PNPLA6: variants seen among roughly 807,000 people sequenced by gnomAD.
The protein encoded by PNPLA6 is patatin-like phospholipase domain-containing protein 6.
A neutral mutation model predicts 153.7 loss-of-function variants in PNPLA6; 105 were observed. That is an observed-to-expected ratio of 0.68 (90% CI 0.58 to 0.80). The LOEUF is 0.80. Among genes scored for constraint, PNPLA6 ranks in the 30% least tolerant of loss-of-function variants. The pLI is 0.00. For synonymous variants in PNPLA6, 825 were observed against 822.2 expected (o/e 1.00, Z -0.06); for missense variants, 1,423 against 1,919.3 (o/e 0.74, Z 4.83).
At chr19:7,536,056 T>C in intron 1 of PNPLA6, 36 bp downstream of exon 1, 1 of 1,579,648 alleles carries the variant, frequency 6.3e-7, no homozygotes, top group Non-Finnish European at 8.6e-7. Flanking sequence ...GGAGGCTGTA[T>C]GGTGGGGGGC....
Position 7,554,728 on chromosome 19 carries a change from G to A in PNPLA6, c.2634+5G>A. The A allele has an allele frequency of 6.2e-7, 1 of 1,611,566 alleles. No individual in the cohort carries two copies. Among genetic ancestry groups the A allele is most frequent in the Non-Finnish European group, 8.5e-7 (1 of 1,179,750 alleles). ...CAGGAGCCTACCCTCGGCCAGGTCG[G>A]AAGCCCGTGCCCCCTGATCTCACCC... On this transcript the variant is annotated splice_donor_5th_base_variant and intron_variant, in intron 21 of 31. Coordinates refer to ENST00000600737, the MANE Select transcript of PNPLA6 (RefSeq NM_001166114.2).
chr19:7,555,874 A>AT lies in PNPLA6; in HGVS notation c.3093+113dup. 1 of 1,150,126 alleles carries AT rather than the reference A, an allele frequency of 8.7e-7. No individual in the cohort carries two copies. Among genetic ancestry groups the AT allele is most frequent in the Non-Finnish European group, 1.3e-6 (1 of 782,878 alleles). The allele number at this position is 1,150,126 out of a possible 1,614,324, so 71.2% of individuals were successfully genotyped here. Reference sequence around the variant, plus strand: ...TCCGGGGTCAGGGTGACCCTTCCTGATTAAATCTATGATCCCCAGCTGTCC... The same window carrying AT: ...TCCGGGGTCAGGGTGACCCTTCCTGATTTAAATCTATGATCCCCAGCTGTCC... On this transcript the variant is annotated intron_variant, in intron 24 of 31. Coordinates refer to ENST00000600737, the MANE Select transcript of PNPLA6 (RefSeq NM_001166114.2). The surrounding 1 kb of genome is among the most constrained non-coding windows in gnomAD (Gnocchi z 6.3).
intron 28 of PNPLA6, among the ~76,000 whole-genome samples, chr19:7,559,682 T>C (rs2024023283): frequency 6.6e-6 from 1 of 151,510 alleles, no homozygotes; most frequent in Non-Finnish European, 1.5e-5. Flanking sequence ...CTACAAAGAT[T>C]AAAAATAAAA....
At chr19:7,544,951 C>G (rs148610831) in intron 13 of PNPLA6, among the ~76,000 whole-genome samples, 1 of 152,158 alleles carries the variant, frequency 6.6e-6, no homozygotes, top group Non-Finnish European at 1.5e-5. Context: ...CCACGCTGGT[C>G]TGCAGCCCCT....
intron 13 of PNPLA6, among the ~76,000 whole-genome samples, chr19:7,545,287 A>G (rs967988602): frequency 2.0e-5 from 3 of 152,174 alleles, no homozygotes; most frequent in Non-Finnish European, 4.4e-5. Context: ...TCAGCCTCCC[A>G]AAGTGCTGGG....
chr19:7,543,555 T>G (rs967792189), intron 13 of PNPLA6, among the ~76,000 whole-genome samples: 1 of 151,960 alleles, frequency 6.6e-6, no homozygotes, highest in African/African-American at 2.4e-5. Flanking sequence ...TGTAGGAAAA[T>G]GTATCCTACC....
rs1249849880 is a variant in PNPLA6, at chr19:7,561,751, T to G, written c.*189T>G. On this transcript the variant is annotated 3_prime_UTR_variant, in exon 32 of 32. Transcript: ENST00000600737. ...TTGACCAGCCCCTCCCCCAATAAACTCGCCTCTTGGAAATGGCTTCCTGTC... is the reference window on the plus strand; with the variant it reads ...TTGACCAGCCCCTCCCCCAATAAACGCGCCTCTTGGAAATGGCTTCCTGTC... The G allele has an allele frequency of 5.7e-6, 4 of 700,824 alleles. No homozygotes were observed. Among genetic ancestry groups the G allele is most frequent in the Middle Eastern group, 2.3e-4 (1 of 4,354 alleles). 43.4% of individuals were successfully genotyped at this position (700,824 alleles called of 1,614,324 possible). A position where few individuals can be genotyped will look rare whatever the true frequency, so the allele number is the denominator to read the frequency against.
chr19:7,542,111 G>T lies in PNPLA6; in HGVS notation c.1252+44G>T, dbSNP rs537954173. ...GCGGGGAGGGCCATGGAGCTTCCAG[G>T]TTTGAATCCAGGTCCACCGCCTGCC... On this transcript the variant is annotated intron_variant, in intron 10 of 31. Coordinates refer to ENST00000600737, the MANE Select transcript of PNPLA6 (RefSeq NM_001166114.2). The T allele has an allele frequency of 3.9e-6, 6 of 1,521,624 alleles. No individual in the cohort carries two copies. In the Admixed American group the frequency reaches 1.0e-4, roughly 25 times the overall value. The allele number at this position is 1,521,624 out of a possible 1,614,324, so 94.3% of individuals were successfully genotyped here.
rs904645200 is a variant in PNPLA6 at position 7,555,982 on chromosome 19, C to T, written c.3093+219C>T. ...ACTGACCCTAACCCATAACCCCCAA[C>T]GAGAGCACCCAGGGCCCTTGGTGAC... On this transcript the variant is annotated intron_variant, in intron 24 of 31. Coordinates refer to ENST00000600737, the MANE Select transcript of PNPLA6 (RefSeq NM_001166114.2). The surrounding 1 kb of genome is among the most constrained non-coding windows in gnomAD (Gnocchi z 6.3). 2.0e-5 allele frequency among the ~76,000 whole-genome samples: 3 copies of T among 151,520 alleles called. No homozygotes were observed. The highest frequency in any genetic ancestry group is 7.3e-5 in the African/African-American group (3 of 41,280).
chr19:7,550,043 C>T lies in PNPLA6; in HGVS notation c.1745C>T (p.Pro582Leu). Residue 582 changes from proline to leucine, a missense_variant, in exon 14 of 32, where the codon CCT becomes CTT. Pro to Leu is a moderately conservative substitution (Grantham distance 98). Around this residue, in one of 10 missense-constraint regions of PNPLA6, gnomAD observed 119 missense variants for 163.7 expected, o/e 0.73. Transcript: ENST00000600737. ...VGQLAVLTGEPLIFTLRAQRD... is the reference protein window; with the variant it reads ...VGQLAVLTGELLIFTLRAQRD... The stretch of plus-strand genomic sequence containing the variant: ...CAGCTGGCGGTGCTCACTGGCGAAC[C>T]TCTCATCTTCACACTGCGAGCCCAA... 1.2e-6 allele frequency: 2 copies of T among 1,614,046 alleles called. No individual in the cohort carries two copies. The highest frequency in any genetic ancestry group is 1.7e-6 in the Non-Finnish European group (2 of 1,180,006).
intron 31 of PNPLA6, 71 bp from the exon 32 acceptor site, chr19:7,561,417 C>G (rs866087201): frequency 3.5e-6 from 5 of 1,436,384 alleles, no homozygotes; most frequent in Middle Eastern, 4.2e-4. Context: ...CCTGTGTGTG[C>G]TGGGTGCTGG....
intron 13 of PNPLA6, among the ~76,000 whole-genome samples, chr19:7,545,602 C>T (rs1173233280): frequency 6.6e-6 from 1 of 152,108 alleles, no homozygotes; most frequent in African/African-American, 2.4e-5. Flanking sequence ...GAACTGTGTG[C>T]TGCTGGCTGG....
rs779042295 is a variant in PNPLA6 at position 7,555,281 on chromosome 19, C to T, written c.2850C>T (p.Arg950=). 6 of 1,595,680 alleles carry T rather than the reference C, an allele frequency of 3.8e-6. No homozygotes were observed. Among genetic ancestry groups the T allele is most frequent in the African/African-American group, 1.3e-5 (1 of 74,780 alleles). ...HELYEKVFSR[R]ADRHSDFSRL... The stretch of plus-strand genomic sequence containing the variant: ...TCTACGAGAAGGTTTTCTCCAGGCG[C>T]GCGGACCGGCACAGCGACTTCTCCC... Residue 950 remains arginine (R), a synonymous_variant, in exon 23 of 32, where the codon CGC becomes CGT. Coordinates refer to ENST00000600737, the MANE Select transcript of PNPLA6 (RefSeq NM_001166114.2). This position sits in a 1 kb window ranked among gnomAD's most constrained non-coding sequence, Gnocchi z 6.3.
chr19:7,549,814 T>C (rs2023564660), intron 13 of PNPLA6, 93 bp from the exon 14 acceptor site: 1 of 1,271,974 alleles, frequency 7.9e-7, no homozygotes, highest in South Asian at 1.2e-5. Context: ...ACCCTTCCTT[T>C]CTTCTTTAAT....
intron 27 of PNPLA6, 108 bp downstream of exon 27, chr19:7,557,392 CTGCCCA>C: frequency 1.3e-6 from 1 of 756,052 alleles, no homozygotes; most frequent in African/African-American, 1.7e-5. Flanking sequence ...CATGCCCAAG[CTGCCCA>C]TGCAGGGGTG....
chr19:7,558,386 C>T lies in PNPLA6; in HGVS notation c.3398-464C>T, dbSNP rs552009439. 6.6e-5 allele frequency among the ~76,000 whole-genome samples: 10 copies of T among 152,316 alleles called. No homozygotes were observed. In the East Asian group the frequency reaches 1.7e-3, roughly 26 times the overall value. ...GTGGCTCATGCCTGTAATCCCAGCA[C>T]TTTGGGAGGCTGAGGCGGGTGGATC... On this transcript the variant is annotated intron_variant, in intron 27 of 31. Coordinates refer to ENST00000600737, the MANE Select transcript of PNPLA6 (RefSeq NM_001166114.2).
upstream of PNPLA6, chr19:7,534,305 T>C (rs2022741164): frequency 4.1e-6 from 1 of 242,426 alleles, no homozygotes; most frequent in Non-Finnish European, 8.2e-6. Context: ...AGCCTCCGCT[T>C]TCCCACGATC....
chr19:7,536,415 A>G, intron 2 of PNPLA6, 34 bp from the exon 3 acceptor site: 1 of 1,498,744 alleles, frequency 6.7e-7, no homozygotes. Flanking sequence ...GGTCTGAATT[A>G]GCAATTCACC....
chr19:7,558,946 C>G lies in PNPLA6; in HGVS notation c.3494C>G (p.Ser1165Cys), dbSNP rs1555751592. ...CTCAGCACCTACGGGGACAGCCTGT[C>G]CGGCTGGTGGCTGCTGTGGAAGCGG... is the stretch of plus-strand genomic sequence containing the variant. ...TDLSTYGDSL[S>C]GWWLLWKRLN... The change falls in exon 28 of 32, where the codon TCC becomes TGC. Residue 1165 changes from serine (S) to cysteine (C), a missense_variant. Coordinates refer to ENST00000600737, the MANE Select transcript of PNPLA6 (RefSeq NM_001166114.2). 1 of 1,614,154 alleles carries G rather than the reference C, an allele frequency of 6.2e-7. No individual in the cohort carries two copies. The highest frequency in any genetic ancestry group is 8.5e-7 in the Non-Finnish European group (1 of 1,180,024).
Sources: gnomAD v4.1 joint callset for allele counts (sites outside exome capture counted in the v4.1 genomes callset) on GRCh38, gnomAD v4.1.1 for gene constraint, gnomAD v4.1.1 regional missense constraint, Gnocchi (gnomAD v3.1) non-coding constraint, MANE v1.5 for transcripts, NCBI Gene and HGNC (gene_info 2026-07-23, HGNC 2026-07-21) for gene names.